The following MAGI1 variants were observed in gnomAD, a reference collection of about 807,000 sequenced individuals.
MAGI1 encodes the protein membrane-associated guanylate kinase, WW and PDZ domain-containing protein 1.
MAGI1 carries 58 observed loss-of-function variants against 139.9 expected under a neutral mutation model. The observed-to-expected ratio is 0.41, with a 90% CI of 0.34 to 0.52. The LOEUF is 0.52. Ranked by LOEUF, MAGI1 falls within the 20% of genes least tolerant of loss-of-function variation. The pLI, the probability that MAGI1 is intolerant of heterozygous loss-of-function variation, is 0.12. For synonymous variants in MAGI1, 812 were observed against 737.9 expected, an observed-to-expected ratio of 1.10 and a Z score of -1.63; for missense variants, 1,874 against 1,901.6, an observed-to-expected ratio of 0.99 and a Z score of 0.27.
intron 1 of MAGI1, among the ~76,000 whole-genome samples, chr3:65,790,782 G>A (rs1384087247): frequency 2.0e-5 from 3 of 152,148 alleles, no homozygotes; most frequent in African/African-American, 4.8e-5. Context: ...CTGGTACAAC[G>A]AAGATTGTGC....
At chr3:65,409,722 A>G (rs1258505464) in intron 12 of MAGI1, among the ~76,000 whole-genome samples, 2 of 152,146 alleles carry the variant, frequency 1.3e-5, no homozygotes, top group Admixed American at 6.5e-5. Flanking sequence ...TGCCAAGAAC[A>G]TAAGTATCAG....
At chr3:65,655,285 T>C (rs530511288) in intron 1 of MAGI1, among the ~76,000 whole-genome samples, 174 of 152,236 alleles carry the variant, frequency 1.1e-3, no homozygotes, top group African/African-American at 3.8e-3. Flanking sequence ...GATACTTTAC[T>C]GTAAACCCAT....
intron 2 of MAGI1, among the ~76,000 whole-genome samples, chr3:65,556,330 C>A (rs79459438): frequency 6.6e-6 from 1 of 152,164 alleles, no homozygotes; most frequent in East Asian, 1.9e-4. Context: ...ATGCTTTTGT[C>A]GCTTAGACTA....
intron 1 of MAGI1, among the ~76,000 whole-genome samples, chr3:65,735,894 C>G (rs2034683545): frequency 6.6e-6 from 1 of 152,128 alleles, no homozygotes; most frequent in Non-Finnish European, 1.5e-5. Context: ...TAACTGAAGC[C>G]TCTGTGAGGA....
At chr3:65,775,036 T>G (rs1445353764) in intron 1 of MAGI1, among the ~76,000 whole-genome samples, 2 of 152,190 alleles carry the variant, frequency 1.3e-5, no homozygotes, top group Non-Finnish European at 2.9e-5. Flanking sequence ...TTGGCTATTT[T>G]TATTATCATC....
chr3:65,516,319 A>G (rs1047791295), intron 2 of MAGI1, among the ~76,000 whole-genome samples: 4 of 152,082 alleles, frequency 2.6e-5, no homozygotes, highest in African/African-American at 9.7e-5. Context: ...AGCTGGGACT[A>G]CAGGCATGTG....
At chr3:65,549,613 C>T (rs1215411544) in intron 2 of MAGI1, 6 of 331,058 alleles carry the variant, frequency 1.8e-5, no homozygotes, top group Non-Finnish European at 2.6e-5. Context: ...ATTCACACTC[C>T]GGGCTGCGGC....
chr3:65,573,886 C>T (rs931143029), intron 2 of MAGI1, among the ~76,000 whole-genome samples: 7 of 152,096 alleles, frequency 4.6e-5, no homozygotes, highest in South Asian at 2.1e-4. Context: ...AACACAGTCA[C>T]ACCCATTCAC....
At chr3:65,409,016 G>A (rs1323412739) in intron 12 of MAGI1, among the ~76,000 whole-genome samples, 3 of 152,286 alleles carry the variant, frequency 2.0e-5, no homozygotes, top group South Asian at 4.1e-4. Context: ...AGGCTGTGCC[G>A]GGGATGCACA....
intron 1 of MAGI1, among the ~76,000 whole-genome samples, chr3:65,696,288 C>A (rs926786964): frequency 2.0e-5 from 3 of 152,168 alleles, no homozygotes; most frequent in Non-Finnish European, 4.4e-5. Context: ...CCATTTCATT[C>A]AGCTTTAGTC....
At chr3:65,720,965 C>T (rs1479958377) in intron 1 of MAGI1, among the ~76,000 whole-genome samples, 3 of 151,986 alleles carry the variant, frequency 2.0e-5, no homozygotes. Flanking sequence ...TAGTCTCAAA[C>T]TCCTAGGCTC....
At chr3:65,668,619 T>C (rs2086671778) in intron 1 of MAGI1, among the ~76,000 whole-genome samples, 1 of 131,886 alleles carries the variant, frequency 7.6e-6, no homozygotes, top group Admixed American at 9.4e-5. Flanking sequence ...CAGGCTGGAG[T>C]GCAGTGGTGC....
At chr3:65,861,873 G>A (rs1445587816) in intron 1 of MAGI1, among the ~76,000 whole-genome samples, 1 of 152,186 alleles carries the variant, frequency 6.6e-6, no homozygotes, top group Non-Finnish European at 1.5e-5. Context: ...GCAACTTGTT[G>A]AGATATTAGC....
At chr3:66,014,832 T>C (rs2067535269) in intron 1 of MAGI1, among the ~76,000 whole-genome samples, 1 of 152,202 alleles carries the variant, frequency 6.6e-6, no homozygotes, top group African/African-American at 2.4e-5. Flanking sequence ...ATGGTACACT[T>C]GGAATTTTCC....
chr3:65,936,437 A>AGACCAGCCT (rs2063055221), intron 1 of MAGI1, among the ~76,000 whole-genome samples: 1 of 152,106 alleles, frequency 6.6e-6, no homozygotes. Flanking sequence ...CAGGAGTTCG[A>AGACCAGCCT]GACCAGCCTG....
intron 1 of MAGI1, among the ~76,000 whole-genome samples, chr3:65,948,275 A>T (rs1335430306): frequency 6.6e-6 from 1 of 152,196 alleles, no homozygotes; most frequent in Non-Finnish European, 1.5e-5. Context: ...AATTGCTGCT[A>T]GCAGCAATGG....
In MAGI1 at chr3:65,557,544, T is replaced by C. The variant is rs964600717; in HGVS notation, c.431-63913A>G. Among the ~76,000 whole-genome samples the C allele has an allele frequency of 4.6e-5, 7 of 152,338 alleles. No homozygotes were observed. In the East Asian group the frequency reaches 5.8e-4, roughly 13 times the overall value. On this transcript the variant is annotated intron_variant, in intron 2 of 22. Transcript: ENST00000402939. The stretch of plus-strand genomic sequence containing the variant: ...ATCATTAAATATATCGTTTTAGCTT[T>C]CTCAGTAAGCAATTACCTTAAAACT...
chr3:65,365,144 T>C, intron 18 of MAGI1, 198 bp from the exon 19 acceptor site: 1 of 745,424 alleles, frequency 1.3e-6, no homozygotes, highest in Non-Finnish European at 2.5e-6. Context: ...GTCATGTATG[T>C]CCCCATGACC....
At chr3:65,493,077 C>CA (rs11412426) in intron 3 of MAGI1, among the ~76,000 whole-genome samples, 65,370 of 109,990 alleles carry the variant, frequency 0.59, 17,733 homozygotes, top group East Asian at 0.77. Flanking sequence ...GACTCCGTCT[C>CA]AAAAAAAAAA....
Sources: gnomAD v4.1 joint callset for allele counts (sites outside exome capture counted in the v4.1 genomes callset) on GRCh38, gnomAD v4.1.1 for gene constraint, MANE v1.5 for transcripts, NCBI Gene and HGNC (gene_info 2026-07-23, HGNC 2026-07-21) for gene names.